The following OSBPL10 variants were observed in gnomAD, a reference collection of about 807,000 sequenced individuals.
OSBPL10 encodes the protein oxysterol binding protein like 10.
Under a neutral mutation model 81.7 loss-of-function variants are expected in OSBPL10, and 49 were observed. The observed-to-expected ratio is 0.60, with a 90% CI of 0.48 to 0.76. The LOEUF (loss-of-function observed/expected upper bound fraction) is 0.76, where lower values mean the gene tolerates loss of function less well. Among genes scored for constraint, OSBPL10 ranks in the 30% least tolerant of loss-of-function variants. The pLI is 0.00. For missense variants in OSBPL10, 923 were observed against 987.8 expected (o/e 0.93, Z 0.88); for synonymous variants, 419 against 383.6 (o/e 1.09, Z -1.08).
chr3:31,990,422 A>G, intron 2 of OSBPL10: 9 of 1,599,556 alleles, frequency 5.6e-6, no homozygotes, highest in Non-Finnish European at 7.6e-6. Context: ...TGGCGAACTC[A>G]TACTGGAGAG....
intron 1 of OSBPL10, among the ~76,000 whole-genome samples, chr3:32,071,071 A>G (rs988325778): frequency 1.3e-5 from 2 of 152,058 alleles, no homozygotes; most frequent in African/African-American, 4.8e-5. Flanking sequence ...CCTCCTTTGA[A>G]TCTTCTCAAC....
intron 6 of OSBPL10, among the ~76,000 whole-genome samples, chr3:31,732,099 C>T (rs1284240139): frequency 6.6e-6 from 1 of 152,172 alleles, no homozygotes; most frequent in Non-Finnish European, 1.5e-5. Context: ...ACTTCTCTAC[C>T]ACTCACACGG....
At chr3:31,784,496 C>G (rs1045686629) in intron 4 of OSBPL10, among the ~76,000 whole-genome samples, 8 of 152,188 alleles carry the variant, frequency 5.3e-5, no homozygotes, top group Admixed American at 2.0e-4. Context: ...AAGAAATAAT[C>G]ACAATCATAA....
chr3:31,928,722 G>A (rs1028977736), intron 1 of OSBPL10, among the ~76,000 whole-genome samples: 31 of 139,828 alleles, frequency 2.2e-4, no homozygotes, highest in East Asian at 2.0e-3. Flanking sequence ...AGAGGTTGCC[G>A]CCACTGCACT....
At chr3:31,727,186 C>A (rs1696835708) in intron 6 of OSBPL10, among the ~76,000 whole-genome samples, 1 of 151,966 alleles carries the variant, frequency 6.6e-6, no homozygotes, top group African/African-American at 2.4e-5. Flanking sequence ...TTATTTGCAT[C>A]TGAAAGAATC....
chr3:31,881,435 C>A (rs1695574940), intron 1 of OSBPL10, among the ~76,000 whole-genome samples: 1 of 152,172 alleles, frequency 6.6e-6, no homozygotes, highest in Non-Finnish European at 1.5e-5. Context: ...GTCTGTACTA[C>A]CAACTCAGGG....
intron 1 of OSBPL10, among the ~76,000 whole-genome samples, chr3:31,944,584 T>C (rs1350910888): frequency 6.6e-6 from 1 of 151,954 alleles, no homozygotes; most frequent in Non-Finnish European, 1.5e-5. Flanking sequence ...CATCCCTAAA[T>C]TTTCCCTTTG....
chr3:31,755,789 C>A (rs944408508), intron 4 of OSBPL10, among the ~76,000 whole-genome samples: 1 of 152,190 alleles, frequency 6.6e-6, no homozygotes, highest in Non-Finnish European at 1.5e-5. Flanking sequence ...CTAAACCAGG[C>A]CATGCTGTTG....
At chr3:31,913,017 TACCCACAC>T in intron 1 of OSBPL10, among the ~76,000 whole-genome samples, 1 of 152,288 alleles carries the variant, frequency 6.6e-6, no homozygotes, top group Admixed American at 6.5e-5. Context: ...CACACACATA[TACCCACAC>T]ACCCGCATAT....
rs1388883087 is a variant in OSBPL10 at position 31,738,980 on chromosome 3, C to T, written c.941-5569G>A. The stretch of plus-strand genomic sequence containing the variant: ...ACAGAGCTGAGCAGGGCTGGGACTA[C>T]AGTCAGGCAAGTAAGACATTCACCT... On this transcript the variant is annotated intron_variant, in intron 5 of 11. Transcript: ENST00000396556. 2.0e-5 allele frequency among the ~76,000 whole-genome samples: 3 copies of T among 151,968 alleles called. No individual in the cohort carries two copies. In the East Asian group the frequency reaches 5.8e-4, roughly 29 times the overall value.
In OSBPL10 at chr3:31,892,471, T is replaced by C. The variant is rs149297967; in HGVS notation, c.282-12641A>G. ...GGAGCAGAGGGAGCAGAAAGGCGGC[T>C]GCAGAGACTCGCTTTCTCTCAACGT... On this transcript the variant is annotated intron_variant, in intron 1 of 11. Transcript: ENST00000396556. Among the ~76,000 whole-genome samples the C allele has an allele frequency of 7.2e-3, 1,093 of 152,156 alleles. 8 individuals are homozygous for C. The highest frequency in any genetic ancestry group is 0.025 in the African/African-American group (1,018 of 41,500).
At chr3:31,696,685 C>T (rs1027657671) in intron 7 of OSBPL10, among the ~76,000 whole-genome samples, 2 of 152,244 alleles carry the variant, frequency 1.3e-5, no homozygotes, top group African/African-American at 2.4e-5. Flanking sequence ...CTCCCTGACC[C>T]CTCCATGTTG....
At chr3:31,952,875 G>T (rs1237934584) in intron 1 of OSBPL10, among the ~76,000 whole-genome samples, 5 of 151,572 alleles carry the variant, frequency 3.3e-5, no homozygotes, top group Middle Eastern at 6.8e-3. Flanking sequence ...CTATATTCTG[G>T]TTCAACTGGT....
chr3:31,875,263 T>C (rs1358468153), intron 3 of OSBPL10, among the ~76,000 whole-genome samples: 1 of 152,066 alleles, frequency 6.6e-6, no homozygotes, highest in East Asian at 1.9e-4. Flanking sequence ...GGGCAATAGG[T>C]GGGGATAAGT....
intron 4 of OSBPL10, among the ~76,000 whole-genome samples, chr3:31,754,367 G>C (rs1269290887): frequency 6.6e-6 from 1 of 152,190 alleles, no homozygotes; most frequent in Non-Finnish European, 1.5e-5. Context: ...AGGGCTAAGA[G>C]AGTGACGGTG....
intron 4 of OSBPL10, among the ~76,000 whole-genome samples, chr3:31,809,250 G>A (rs1260662290): frequency 6.6e-6 from 1 of 152,156 alleles, no homozygotes; most frequent in Non-Finnish European, 1.5e-5. Context: ...TTTAGATTTG[G>A]GGGAATACAT....
chr3:31,876,472 AAGCTG>A lies in OSBPL10; in HGVS notation c.493_497del (p.Gln165SerfsTer13). On this transcript the variant is annotated frameshift_variant, in exon 3 of 12. Coordinates refer to ENST00000396556, the MANE Select transcript of OSBPL10 (RefSeq NM_017784.5). LOFTEE classifies it high-confidence loss of function. The stretch of plus-strand genomic sequence containing the variant: ...CCATGTGGTATTTGGCACAAGCTCG[AAGCTG>A]AGTCACCCAGAATTGTTTCTCTTTT... The A allele has an allele frequency of 3.1e-6, 5 of 1,613,838 alleles. No homozygotes were observed. Among genetic ancestry groups the A allele is most frequent in the Non-Finnish European group, 4.2e-6 (5 of 1,179,678 alleles).
At chr3:31,923,349 AG>A (rs1285643492) in intron 1 of OSBPL10, among the ~76,000 whole-genome samples, 2 of 132,508 alleles carry the variant, frequency 1.5e-5, no homozygotes, top group African/African-American at 3.0e-5. Context: ...GATGCTAATC[AG>A]AGTGAAAGTT....
intron 7 of OSBPL10, among the ~76,000 whole-genome samples, chr3:31,687,035 C>T (rs1700810405): frequency 6.6e-6 from 1 of 152,184 alleles, no homozygotes. Context: ...GCTTGGAAAT[C>T]CCTTAATGAA....
Sources: gnomAD v4.1 joint callset for allele counts (sites outside exome capture counted in the v4.1 genomes callset) on GRCh38, gnomAD v4.1.1 for gene constraint, MANE v1.5 for transcripts, NCBI Gene and HGNC (gene_info 2026-07-23, HGNC 2026-07-21) for gene names.